HROB: variants seen among roughly 807,000 people sequenced by gnomAD.
HROB encodes the protein homologous recombination factor with OB-fold.
A neutral mutation model predicts 61.0 loss-of-function variants in HROB; 44 were observed. The observed-to-expected ratio is 0.72, with a 90% CI of 0.57 to 0.93. The LOEUF (loss-of-function observed/expected upper bound fraction) is 0.93, where lower values mean the gene tolerates loss of function less well. Among genes scored for constraint, HROB ranks in the 40% least tolerant of loss-of-function variants. The pLI, the probability that HROB is intolerant of heterozygous loss-of-function variation, is 0.00. For missense variants in HROB, 716 were observed against 796.2 expected, an observed-to-expected ratio of 0.90 and a Z score of 1.21; for synonymous variants, 301 against 310.4, an observed-to-expected ratio of 0.97 and a Z score of 0.32.
Position 44,148,504 on chromosome 17 carries a change from T to C in HROB, c.701T>C (p.Ile234Thr), listed in dbSNP as rs149621712. ...SAQDESLDPVIQCRTPRPPLR... is the reference protein window; with the variant it reads ...SAQDESLDPVTQCRTPRPPLR... Reference sequence around the variant, plus strand: ...CAGGATGAGTCTCTAGATCCTGTCATCCAATGTAGGACTCCACGACCCCCC... The same window carrying C: ...CAGGATGAGTCTCTAGATCCTGTCACCCAATGTAGGACTCCACGACCCCCC... The change falls in exon 3 of 10, where the codon ATC (isoleucine) becomes ACC (threonine). Residue 234 changes from isoleucine (I) to threonine (T), a missense_variant. Coordinates refer to ENST00000585683, the MANE Select transcript of HROB (RefSeq NM_001171251.3). The C allele has an allele frequency of 2.2e-5, 35 of 1,613,970 alleles. No homozygotes were observed. The African/African-American group carries it at 4.3e-4, about 20-fold the overall frequency.
At chr17:44,158,022 C>G in intron 9 of HROB, 81 bp downstream of exon 9, 2 of 954,610 alleles carry the variant, frequency 2.1e-6, no homozygotes, top group Admixed American at 5.2e-5. Flanking sequence ...CTGGCTATAT[C>G]TTGTTCCTCT....
chr17:44,144,371 C>T (rs2053550461), intron 1 of HROB, among the ~76,000 whole-genome samples: 1 of 152,018 alleles, frequency 6.6e-6, no homozygotes, highest in African/African-American at 2.4e-5. Flanking sequence ...GAACGCCTGA[C>T]CTTGTGATCC....
intron 8 of HROB, among the ~76,000 whole-genome samples, chr17:44,157,574 C>T (rs1258642351): frequency 3.3e-5 from 5 of 151,808 alleles, no homozygotes; most frequent in African/African-American, 9.7e-5. Context: ...CCACCATGCC[C>T]GGCTCTGTTT....
chr17:44,159,697 T>A (rs979726996), intron 9 of HROB, among the ~76,000 whole-genome samples: 5 of 152,224 alleles, frequency 3.3e-5, no homozygotes, highest in African/African-American at 1.2e-4. Context: ...GGCCTTTCCC[T>A]TTGTGGTAGC....
chr17:44,161,408 C>A (rs145640797), intron 9 of HROB, among the ~76,000 whole-genome samples: 22 of 152,260 alleles, frequency 1.4e-4, no homozygotes, highest in African/African-American at 5.1e-4. Flanking sequence ...GAACTGTAGT[C>A]TTACACAGGC....
At position 44,154,861 on chromosome 17, in the gene HROB, C is replaced by G. The variant is rs1441461609; in HGVS notation, c.1567C>G (p.Gln523Glu). The change falls in exon 7 of 10, where the codon CAG (glutamine) becomes GAG (glutamate). Residue 523 changes from glutamine (Q) to glutamate (E), a missense_variant. Physicochemically the swap from Gln to Glu is conservative, Grantham distance 29. Coordinates refer to ENST00000585683, the MANE Select transcript of HROB (RefSeq NM_001171251.3). ...VVFKDPTGEM[Q>E]GTVHRLLLET... The stretch of plus-strand genomic sequence containing the variant: ...CCATGTGGTATTTGCAGGAGAGATG[C>G]AGGGGACGGTGCACAGGTTGCTGCT... 1 of 1,613,946 alleles carries G rather than the reference C, an allele frequency of 6.2e-7. No homozygotes were observed. Among genetic ancestry groups the G allele is most frequent in the Non-Finnish European group, 8.5e-7 (1 of 1,180,006 alleles).
chr17:44,144,510 A>C (rs2053554887), intron 1 of HROB, among the ~76,000 whole-genome samples: 1 of 152,088 alleles, frequency 6.6e-6, no homozygotes, highest in South Asian at 2.1e-4. Flanking sequence ...TCCTGACCTC[A>C]GGTGATTCAC....
In HROB at chr17:44,157,818, A is replaced by T. The variant is rs747810374; in HGVS notation, c.1771-15A>T. On this transcript the variant is annotated splice_polypyrimidine_tract_variant and intron_variant, in intron 8 of 9. Coordinates refer to ENST00000585683, the MANE Select transcript of HROB (RefSeq NM_001171251.3). Reference sequence around the variant, plus strand: ...CAGGGACACAGGCATTGGTAACCAGATCCTCTGTCCCCAGGATTCAGGGAG... The same window carrying T: ...CAGGGACACAGGCATTGGTAACCAGTTCCTCTGTCCCCAGGATTCAGGGAG... 6.2e-7 allele frequency: 1 copy of T among 1,602,992 alleles called. No individual in the cohort carries two copies. Among genetic ancestry groups the T allele is most frequent in the Non-Finnish European group, 8.5e-7 (1 of 1,172,536 alleles).
intron 8 of HROB, among the ~76,000 whole-genome samples, chr17:44,156,121 G>A (rs941100475): frequency 1.3e-5 from 2 of 152,060 alleles, no homozygotes; most frequent in African/African-American, 4.8e-5. Context: ...AGTCATCTTA[G>A]ACAGAGGTTT....
intron 9 of HROB, among the ~76,000 whole-genome samples, chr17:44,158,391 C>T (rs2054033103): frequency 2.0e-5 from 3 of 152,232 alleles, no homozygotes; most frequent in Non-Finnish European, 4.4e-5. Context: ...GGCCCAAATG[C>T]AGACCCCTTG....
chr17:44,148,751 A>T lies in HROB; in HGVS notation c.948A>T (p.Arg316Ser). The change falls in exon 3 of 10, where the codon AGA (arginine) becomes AGT (serine). Residue 316 changes from arginine to serine, a missense_variant. Arg to Ser is a moderately radical substitution (Grantham distance 110, BLOSUM62 -1). Coordinates refer to ENST00000585683, the MANE Select transcript of HROB (RefSeq NM_001171251.3). ...TAAGTGGCAAAGCTCATTTACCCAG[A>T]CCTCGAACTCCCAACTCAAGCTGTT... ...SWLSGKAHLP[R>S]PRTPNSSCST... 6.2e-7 allele frequency: 1 copy of T among 1,614,150 alleles called. No homozygotes were observed. Among genetic ancestry groups the T allele is most frequent in the Non-Finnish European group, 8.5e-7 (1 of 1,180,024 alleles).
intron 8 of HROB, among the ~76,000 whole-genome samples, chr17:44,155,983 T>G (rs1248606657): frequency 2.0e-5 from 3 of 152,134 alleles, no homozygotes; most frequent in Admixed American, 2.0e-4. Context: ...AGCCTGGGCT[T>G]GACTTGCCCT....
At chr17:44,149,220 C>T (rs1158023281) in intron 3 of HROB, among the ~76,000 whole-genome samples, 193 bp downstream of exon 3, 1 of 151,612 alleles carries the variant, frequency 6.6e-6, no homozygotes, top group Admixed American at 6.6e-5. Context: ...GTGCTTAAGG[C>T]TCTGAGGACA....
intron 9 of HROB, among the ~76,000 whole-genome samples, chr17:44,161,241 T>C (rs1203092245): frequency 6.6e-6 from 1 of 151,662 alleles, no homozygotes; most frequent in Non-Finnish European, 1.5e-5. Flanking sequence ...AAAGTGGGGT[T>C]GATAACAGGA....
chr17:44,149,018 G>T lies in HROB; in HGVS notation c.1215G>T (p.Leu405=), dbSNP rs946609560. The part of the protein sequence containing the change: ...TRRFPGPAGI[L]PHQQSGRSLE... ...GTTTCCCTGGCCCAGCTGGGATCCT[G>T]CCTCACCAGGTGAGTGAGCTGGCTT... is the stretch of plus-strand genomic sequence containing the variant. Residue 405 remains leucine (L), a synonymous_variant, in exon 3 of 10, where the codon CTG becomes CTT. Transcript: ENST00000585683. 1 of 1,613,142 alleles carries T rather than the reference G, an allele frequency of 6.2e-7. No homozygotes were observed. Among genetic ancestry groups the T allele is most frequent in the African/African-American group, 1.3e-5 (1 of 74,906 alleles).
Position 44,162,264 on chromosome 17 carries a change from T to C in HROB, c.*332T>C. 1 of 283,324 alleles carries C rather than the reference T, an allele frequency of 3.5e-6. No individual in the cohort carries two copies. The highest frequency in any genetic ancestry group is 1.2e-3 in the Middle Eastern group (1 of 834). 17.6% of individuals were successfully genotyped at this position (283,324 alleles called of 1,614,324 possible). On this transcript the variant is annotated 3_prime_UTR_variant, in exon 10 of 10. Coordinates refer to ENST00000585683, the MANE Select transcript of HROB (RefSeq NM_001171251.3). ...TGGGCCTGGTTTTCTTGTCCCTTCATACCCTAGTCCCTGGACAGCTGAGGA... is the reference window on the plus strand; with the variant it reads ...TGGGCCTGGTTTTCTTGTCCCTTCACACCCTAGTCCCTGGACAGCTGAGGA...
At chr17:44,156,293 T>C (rs540413683) in intron 8 of HROB, among the ~76,000 whole-genome samples, 3 of 152,188 alleles carry the variant, frequency 2.0e-5, no homozygotes, top group Admixed American at 1.3e-4. Context: ...CAGAGTGCAG[T>C]GGCGTGACCT....
At chr17:44,153,267 G>A (rs892969546) in intron 5 of HROB, among the ~76,000 whole-genome samples, 18 of 151,632 alleles carry the variant, frequency 1.2e-4, no homozygotes, top group Admixed American at 7.9e-4. Flanking sequence ...GCAACAAAGC[G>A]AGACCCTGTC....
chr17:44,151,933 G>A (rs1339162713), intron 4 of HROB, among the ~76,000 whole-genome samples: 1 of 151,724 alleles, frequency 6.6e-6, no homozygotes, highest in Non-Finnish European at 1.5e-5. Context: ...TGCAACCTCC[G>A]CCTCCTGGGT....
Sources: gnomAD v4.1 joint callset for allele counts (sites outside exome capture counted in the v4.1 genomes callset) on GRCh38, gnomAD v4.1.1 for gene constraint, MANE v1.5 for transcripts, NCBI Gene and HGNC (gene_info 2026-07-23, HGNC 2026-07-21) for gene names.